TMPRSS11E: variants seen among roughly 807,000 people sequenced by gnomAD.
TMPRSS11E encodes transmembrane serine protease 11E.
Under a neutral mutation model 48.1 loss-of-function variants are expected in TMPRSS11E, and 38 were observed. The ratio of observed to expected loss-of-function variants is 0.79; its 90% CI spans 0.61 to 1.04. TMPRSS11E has a LOEUF of 1.04. TMPRSS11E is among the 50% of genes least tolerant of loss of function. The pLI is 0.00. For missense variants in TMPRSS11E, 530 were observed against 510.8 expected (o/e 1.04, Z -0.36); for synonymous variants, 158 against 171.9 (o/e 0.92, Z 0.63).
chr4:68,480,460 T>C (rs1305452287), intron 9 of TMPRSS11E, among the ~76,000 whole-genome samples: 1 of 152,060 alleles, frequency 6.6e-6, no homozygotes, highest in Non-Finnish European at 1.5e-5. Flanking sequence ...ATTTTTTAGT[T>C]CCAGGGTTTT....
intron 7 of TMPRSS11E, 147 bp downstream of exon 7, chr4:68,476,585 A>C: frequency 2.5e-6 from 2 of 785,974 alleles, no homozygotes. Context: ...ATTTGTAAAC[A>C]TTAGTAAGAG....
At chr4:68,479,159 G>T (rs570965144) in intron 9 of TMPRSS11E, among the ~76,000 whole-genome samples, 168 bp downstream of exon 9, 1 of 152,220 alleles carries the variant, frequency 6.6e-6, no homozygotes, top group African/African-American at 2.4e-5. Flanking sequence ...TATAAGATCT[G>T]GGAAACTGAC....
chr4:68,494,540 G>A (rs1172901480), intron 9 of TMPRSS11E, among the ~76,000 whole-genome samples: 1 of 151,836 alleles, frequency 6.6e-6, no homozygotes, highest in East Asian at 1.9e-4. Flanking sequence ...ATACTTCCAC[G>A]GCTTCCTGTT....
At chr4:68,467,798 C>T (rs1728965811) in intron 3 of TMPRSS11E, among the ~76,000 whole-genome samples, 1 of 152,064 alleles carries the variant, frequency 6.6e-6, no homozygotes, top group Non-Finnish European at 1.5e-5. Flanking sequence ...AGGCTCTTCT[C>T]TAAGGCTAAA....
intron 2 of TMPRSS11E, 102 bp from the exon 3 acceptor site, chr4:68,466,529 C>T: frequency 7.9e-7 from 1 of 1,262,606 alleles, no homozygotes; most frequent in Non-Finnish European, 1.1e-6. Context: ...TAAGAGCATT[C>T]CTTCCTGTTT....
intron 9 of TMPRSS11E, among the ~76,000 whole-genome samples, chr4:68,480,423 C>CA: frequency 6.6e-6 from 1 of 152,110 alleles, no homozygotes; most frequent in Non-Finnish European, 1.5e-5. Context: ...TAAGCCCGTC[C>CA]AGTGAGTTTT....
At chr4:68,495,327 CTG>C (rs1221732305) in intron 9 of TMPRSS11E, among the ~76,000 whole-genome samples, 1 of 151,798 alleles carries the variant, frequency 6.6e-6, no homozygotes, top group Non-Finnish European at 1.5e-5. Flanking sequence ...TCATTTATTC[CTG>C]TCTCTTATGC....
intron 9 of TMPRSS11E, among the ~76,000 whole-genome samples, chr4:68,486,440 T>G (rs1298926624): frequency 6.6e-6 from 1 of 152,218 alleles, no homozygotes; most frequent in African/African-American, 2.4e-5. Flanking sequence ...TTCCATGTAA[T>G]TGTATAATTT....
At chr4:68,457,100 T>C (rs1016007674) in intron 1 of TMPRSS11E, among the ~76,000 whole-genome samples, 1 of 151,972 alleles carries the variant, frequency 6.6e-6, no homozygotes, top group Non-Finnish European at 1.5e-5. Flanking sequence ...AAAGAAACTA[T>C]CATCAGAGTG....
chr4:68,449,138 T>A (rs1048912014), intron 1 of TMPRSS11E, among the ~76,000 whole-genome samples: 14 of 151,658 alleles, frequency 9.2e-5, no homozygotes, highest in Admixed American at 2.6e-4. Context: ...TTTTTTTTTT[T>A]AGAATTTAAG....
At chr4:68,491,282 G>A (rs1197990351) in intron 9 of TMPRSS11E, among the ~76,000 whole-genome samples, 2 of 110,518 alleles carry the variant, frequency 1.8e-5, no homozygotes, top group Admixed American at 1.4e-4. Flanking sequence ...CTTCTTCCAA[G>A]TCCATGATAT....
chr4:68,494,381 G>A (rs1368838540), intron 9 of TMPRSS11E, among the ~76,000 whole-genome samples: 4 of 152,148 alleles, frequency 2.6e-5, no homozygotes, highest in Admixed American at 6.5e-5. Flanking sequence ...TTCACTATTA[G>A]AGTTTTTTTT....
intron 1 of TMPRSS11E, among the ~76,000 whole-genome samples, chr4:68,458,022 G>A (rs1289455203): frequency 6.6e-6 from 1 of 152,092 alleles, no homozygotes; most frequent in East Asian, 1.9e-4. Context: ...CATGGCACGT[G>A]TATACCTATG....
At chr4:68,456,171 A>G (rs1422150925) in intron 1 of TMPRSS11E, among the ~76,000 whole-genome samples, 1 of 151,998 alleles carries the variant, frequency 6.6e-6, no homozygotes, top group Non-Finnish European at 1.5e-5. Context: ...AACAAAGTCT[A>G]TTGATATCAT....
At chr4:68,452,719 A>T (rs906389606) in intron 1 of TMPRSS11E, among the ~76,000 whole-genome samples, 79 of 152,018 alleles carry the variant, frequency 5.2e-4, no homozygotes, top group African/African-American at 1.8e-3. Flanking sequence ...CAACTTTCCT[A>T]ATTCAGAAAA....
At chr4:68,488,047 C>T (rs1041946771) in intron 9 of TMPRSS11E, among the ~76,000 whole-genome samples, 6 of 151,784 alleles carry the variant, frequency 4.0e-5, no homozygotes, top group African/African-American at 1.2e-4. Context: ...CCTGATATCA[C>T]CCCCTTTGTA....
intron 5 of TMPRSS11E, 133 bp downstream of exon 5, chr4:68,471,756 C>A (rs980662971): frequency 1.7e-6 from 1 of 584,240 alleles, no homozygotes; most frequent in Non-Finnish European, 2.8e-6. Flanking sequence ...TTCTTTGGAA[C>A]TAAATTTGTC....
intron 5 of TMPRSS11E, among the ~76,000 whole-genome samples, chr4:68,474,087 G>A (rs772044687): frequency 6.6e-6 from 1 of 152,106 alleles, no homozygotes; most frequent in Non-Finnish European, 1.5e-5. Context: ...TCTATTAGCT[G>A]GGTTAGTGTT....
chr4:68,484,080 AG>A (rs1418482043), intron 9 of TMPRSS11E, among the ~76,000 whole-genome samples: 8 of 152,226 alleles, frequency 5.3e-5, no homozygotes, highest in African/African-American at 1.9e-4. Flanking sequence ...TGATGCCACC[AG>A]CTTTGTTTTT....
Sources: allele counts gnomAD v4.1 joint callset (sites outside exome capture counted in the v4.1 genomes callset), GRCh38; gene constraint gnomAD v4.1.1; transcripts MANE v1.5; gene names NCBI Gene and HGNC (gene_info 2026-07-23, HGNC 2026-07-21).